PRKCH: variants seen among roughly 807,000 people sequenced by gnomAD.
PRKCH encodes protein kinase C eta, also known as protein kinase C eta type.
Under a neutral mutation model 82.5 loss-of-function variants are expected in PRKCH, and 28 were observed. That is an observed-to-expected ratio of 0.34 (90% CI 0.25 to 0.47). The LOEUF is 0.47. PRKCH is among the 20% of genes least tolerant of loss of function. The probability of loss-of-function intolerance (pLI) is 1.00; values close to 1 mark genes in which losing one functional copy is unlikely to be tolerated. For synonymous variants in PRKCH, 322 were observed against 327.4 expected, an observed-to-expected ratio of 0.98 and a Z score of 0.18; for missense variants, 705 against 881.8, an observed-to-expected ratio of 0.80 and a Z score of 2.54.
intron 10 of PRKCH, 31 bp from the exon 11 acceptor site, chr14:61,529,044 C>A: frequency 6.4e-7 from 1 of 1,552,382 alleles, no homozygotes. Context: ...GTCTGGCTGC[C>A]CTATCTCGTG....
chr14:61,188,885 A>G (rs944701557), intron 1 of PRKCH, among the ~76,000 whole-genome samples: 18 of 151,768 alleles, frequency 1.2e-4, no homozygotes, highest in Non-Finnish European at 2.5e-4. Flanking sequence ...ACGCCCGGCT[A>G]ATTTTTGTAT....
At chr14:61,250,394 A>C (rs1363196739) in intron 1 of PRKCH, among the ~76,000 whole-genome samples, 1 of 152,194 alleles carries the variant, frequency 6.6e-6, no homozygotes, top group African/African-American at 2.4e-5. Context: ...ACAATAGAAT[A>C]TTATCTAGGA....
intron 1 of PRKCH, among the ~76,000 whole-genome samples, chr14:61,233,260 G>A (rs1236830873): frequency 6.6e-6 from 1 of 152,008 alleles, no homozygotes; most frequent in African/African-American, 2.4e-5. Context: ...GCATAGTGGT[G>A]CACACCTGTA....
At chr14:61,195,614 A>C (rs576045495) in intron 1 of PRKCH, among the ~76,000 whole-genome samples, 19 of 152,360 alleles carry the variant, frequency 1.2e-4, no homozygotes, top group African/African-American at 3.8e-4. Context: ...AGAACATCCA[A>C]ATTAGAATTA....
At chr14:61,454,463 AGGATCCTGGGT>A (rs754951197) in intron 7 of PRKCH, among the ~76,000 whole-genome samples, 3 of 152,168 alleles carry the variant, frequency 2.0e-5, no homozygotes, top group Non-Finnish European at 4.4e-5. Context: ...CCTAAAACCC[AGGATCCTGGGT>A]TATGCTTTTG....
intron 1 of PRKCH, among the ~76,000 whole-genome samples, chr14:61,351,769 C>T (rs1167283704): frequency 6.6e-6 from 1 of 152,118 alleles, no homozygotes; most frequent in Non-Finnish European, 1.5e-5. Context: ...GCTGTGGCTT[C>T]TGTTGAGGAA....
At chr14:61,544,895 C>T (rs546832861) in intron 12 of PRKCH, among the ~76,000 whole-genome samples, 5 of 152,300 alleles carry the variant, frequency 3.3e-5, no homozygotes, top group South Asian at 2.1e-4. Flanking sequence ...TATTCTTCCA[C>T]GGCCCTCTAG....
At chr14:61,428,270 A>AT (rs1244404517) in intron 2 of PRKCH, among the ~76,000 whole-genome samples, 1 of 152,020 alleles carries the variant, frequency 6.6e-6, no homozygotes, top group African/African-American at 2.4e-5. Flanking sequence ...AAGTGCTGGG[A>AT]TTATAGGTGC....
chr14:61,237,883 A>G (rs1594867736), intron 1 of PRKCH, among the ~76,000 whole-genome samples: 1 of 152,198 alleles, frequency 6.6e-6, no homozygotes, highest in Middle Eastern at 3.4e-3. Flanking sequence ...GGCAAAATAA[A>G]CTCCTAAACT....
At chr14:61,444,787 T>C (rs897698942) in intron 3 of PRKCH, among the ~76,000 whole-genome samples, 1 of 152,232 alleles carries the variant, frequency 6.6e-6, no homozygotes, top group African/African-American at 2.4e-5. Flanking sequence ...CAATCTTATT[T>C]TACTTGTATA....
intron 1 of PRKCH, among the ~76,000 whole-genome samples, chr14:61,366,160 T>C (rs1456322556): frequency 6.6e-6 from 1 of 152,116 alleles, no homozygotes; most frequent in Non-Finnish European, 1.5e-5. Flanking sequence ...CTCCATACTG[T>C]GTAGACAGTA....
At chr14:61,300,308 T>C (rs1033800924) in intron 1 of PRKCH, among the ~76,000 whole-genome samples, 2 of 152,204 alleles carry the variant, frequency 1.3e-5, no homozygotes, top group Non-Finnish European at 2.9e-5. Context: ...AATGTTTAAA[T>C]CATCTTCTCA....
rs544379918 is a variant in PRKCH at position 61,282,725 on chromosome 14, T to A, written c.-19+95057T>A. ...ATTAAAATTAAAAAGTAATATTGATTTAATAATGGAACATTGATTCCAGTT... is the reference window on the plus strand; with the variant it reads ...ATTAAAATTAAAAAGTAATATTGATATAATAATGGAACATTGATTCCAGTT... On this transcript the variant is annotated intron_variant, in intron 1 of 3. Transcript: ENST00000555185. Among the ~76,000 whole-genome samples, 8 of 152,286 alleles carry A rather than the reference T, an allele frequency of 5.3e-5. No homozygotes were observed. The South Asian group carries it at 1.7e-3, about 32-fold the overall frequency.
At chr14:61,435,632 G>C (rs1344224036) in intron 2 of PRKCH, among the ~76,000 whole-genome samples, 1 of 152,160 alleles carries the variant, frequency 6.6e-6, no homozygotes, top group Admixed American at 6.6e-5. Context: ...CTTGAGTCCA[G>C]AAGCTGTTTG....
chr14:61,475,791 T>C (rs576240830), intron 9 of PRKCH, among the ~76,000 whole-genome samples: 5 of 152,338 alleles, frequency 3.3e-5, no homozygotes, highest in African/African-American at 1.2e-4. Context: ...TAAGTATAAT[T>C]AGGACACAAA....
At chr14:61,436,491 C>T (rs1883685822) in intron 2 of PRKCH, among the ~76,000 whole-genome samples, 1 of 152,136 alleles carries the variant, frequency 6.6e-6, no homozygotes. Flanking sequence ...ACAGAGGATT[C>T]TGTACTGCTA....
chr14:61,327,124 G>C (rs945147715), intron 1 of PRKCH: 1 of 455,768 alleles, frequency 2.2e-6, no homozygotes, highest in East Asian at 6.9e-5. Flanking sequence ...CAGCCCTCCC[G>C]AAGACATTGT....
At position 61,489,958 on chromosome 14, in the gene PRKCH, G is replaced by C. The variant is rs539255572; in HGVS notation, c.1433+4302G>C. Among the ~76,000 whole-genome samples the C allele has an allele frequency of 1.8e-3, 280 of 152,332 alleles. 1 individual carries two copies. Among genetic ancestry groups the C allele is most frequent in the Non-Finnish European group, 1.6e-3 (106 of 68,026 alleles). Reference sequence around the variant, plus strand: ...TGTTTTTGACAAAGTGTGGAATACTGTATCTGAAATATGTTGGGTGAGGAA... The same window carrying C: ...TGTTTTTGACAAAGTGTGGAATACTCTATCTGAAATATGTTGGGTGAGGAA... On this transcript the variant is annotated intron_variant, in intron 10 of 13. Transcript: ENST00000332981.
intron 12 of PRKCH, chr14:61,537,764 C>G (rs1394883176): frequency 6.6e-6 from 1 of 152,242 alleles, no homozygotes; most frequent in Non-Finnish European, 1.5e-5. Flanking sequence ...TCTGGAAGCA[C>G]TGTAAACTTG....
Sources: allele counts gnomAD v4.1 joint callset (sites outside exome capture counted in the v4.1 genomes callset), GRCh38; gene constraint gnomAD v4.1.1; transcripts MANE v1.5; gene names NCBI Gene and HGNC (gene_info 2026-07-23, HGNC 2026-07-21).